Variants in TRIM33 observed in about 807,000 individuals in gnomAD.
TRIM33 encodes E3 ubiquitin-protein ligase TRIM33.
In TRIM33, 20 loss-of-function variants were observed where a neutral mutation model predicts 125.4. That is an observed-to-expected ratio of 0.16 (90% CI 0.11 to 0.23). The LOEUF is 0.23. Ranked by LOEUF, TRIM33 falls within the 10% of genes least tolerant of loss-of-function variation. The pLI is 1.00. For missense variants in TRIM33, 920 were observed against 1,411.4 expected, an observed-to-expected ratio of 0.65 and a Z score of 5.58; for synonymous variants, 564 against 513.9, an observed-to-expected ratio of 1.10 and a Z score of -1.32.
At chr1:114,501,306 A>G (rs1345062039) in intron 1 of TRIM33, among the ~76,000 whole-genome samples, 1 of 152,190 alleles carries the variant, frequency 6.6e-6, no homozygotes, top group African/African-American at 2.4e-5. Context: ...AGTCATCTGA[A>G]AGCTTGATTA....
chr1:114,470,082 A>G (rs1484551418), intron 1 of TRIM33, among the ~76,000 whole-genome samples: 1 of 152,198 alleles, frequency 6.6e-6, no homozygotes, highest in African/African-American at 2.4e-5. Context: ...AAGAACACTA[A>G]TATCTTATAA....
chr1:114,397,580 GTTTT>G lies in TRIM33; in HGVS notation c.*64_*67del. Reference sequence around the variant, plus strand: ...CCAGCAACACTTAAAAGTTTTCTGGGTTTTTTGTGTTTTTTTTTTTTTTTTCGTT... The same window carrying G: ...CCAGCAACACTTAAAAGTTTTCTGGGTTGTGTTTTTTTTTTTTTTTTCGTT... On this transcript the variant is annotated 3_prime_UTR_variant, in exon 20 of 20. Coordinates refer to ENST00000358465, the MANE Select transcript of TRIM33 (RefSeq NM_015906.4). The G allele has an allele frequency of 9.3e-7, 1 of 1,075,176 alleles. No individual in the cohort carries two copies. The highest frequency in any genetic ancestry group is 1.2e-6 in the Non-Finnish European group (1 of 802,070). 66.6% of individuals were successfully genotyped at this position (1,075,176 alleles called of 1,614,324 possible).
rs771186332 is a variant in TRIM33, at chr1:114,405,666, C to G, written c.2512G>C (p.Val838Leu). The change falls in exon 15 of 20, where the codon GTG (valine) becomes CTG (leucine). Residue 838 changes from valine to leucine, a missense_variant. Val to Leu is a conservative substitution (Grantham distance 32, BLOSUM62 1). This residue lies in a region of TRIM33 where 407 missense variants were observed against 589.7 expected (regional missense o/e 0.69). Transcript: ENST00000358465. ...TTCATATCTGCAGGTTCAATTTTCA[C>G]ATGGTTTTCCAGGCTTGCCAATGCA... Reference protein sequence around the residue: ...LDALASLENHVKIEPADMNES... With the variant: ...LDALASLENHLKIEPADMNES... 1 of 1,614,180 alleles carries G rather than the reference C, an allele frequency of 6.2e-7. No individual in the cohort carries two copies. The highest frequency in any genetic ancestry group is 1.1e-5 in the South Asian group (1 of 91,080).
intron 4 of TRIM33, among the ~76,000 whole-genome samples, chr1:114,440,672 A>G (rs1256254166): frequency 6.6e-6 from 1 of 152,202 alleles, no homozygotes; most frequent in African/African-American, 2.4e-5. Context: ...GATGGGTTTT[A>G]ATGGCAGTTT....
chr1:114,439,380 G>A (rs1366641218), intron 4 of TRIM33, among the ~76,000 whole-genome samples: 1 of 149,828 alleles, frequency 6.7e-6, no homozygotes, highest in African/African-American at 2.5e-5. Context: ...GCTGAGGCAG[G>A]AGAACTTGAA....
At chr1:114,505,659 CA>C (rs1414815511) in intron 1 of TRIM33, among the ~76,000 whole-genome samples, 1 of 152,230 alleles carries the variant, frequency 6.6e-6, no homozygotes, top group Non-Finnish European at 1.5e-5. Flanking sequence ...CCTCCGCCTC[CA>C]AGACTCAAGT....
chr1:114,462,681 T>C (rs1332842310), intron 4 of TRIM33, among the ~76,000 whole-genome samples: 1 of 152,182 alleles, frequency 6.6e-6, no homozygotes, highest in Admixed American at 6.5e-5. Context: ...CTCTGCTTAG[T>C]TGTTCATAAA....
At chr1:114,489,834 T>C (rs576528721) in intron 1 of TRIM33, among the ~76,000 whole-genome samples, 2 of 151,870 alleles carry the variant, frequency 1.3e-5, no homozygotes, top group African/African-American at 4.8e-5. Context: ...GTGGGTAAAA[T>C]GGTTAAATTT....
At chr1:114,462,889 A>G (rs1650078410) in intron 4 of TRIM33, among the ~76,000 whole-genome samples, 1 of 152,228 alleles carries the variant, frequency 6.6e-6, no homozygotes. Context: ...ACAAAATGAT[A>G]CATTTTAACA....
chr1:114,413,628 TAAAAAAAAAAA>T (rs34538412), intron 11 of TRIM33, among the ~76,000 whole-genome samples: 4 of 50,860 alleles, frequency 7.9e-5, no homozygotes, highest in East Asian at 5.3e-4. Context: ...AGCAAAACTG[TAAAAAAAAAAA>T]AAAAAAAAAA....
At chr1:114,480,451 G>A (rs1276538575) in intron 1 of TRIM33, among the ~76,000 whole-genome samples, 2 of 130,502 alleles carry the variant, frequency 1.5e-5, no homozygotes, top group African/African-American at 2.9e-5. Context: ...CCCCCTCTGC[G>A]AGAAACACCC....
At chr1:114,472,685 G>A (rs555832685) in intron 1 of TRIM33, among the ~76,000 whole-genome samples, 1 of 152,128 alleles carries the variant, frequency 6.6e-6, no homozygotes, top group East Asian at 1.9e-4. Flanking sequence ...GCAGTGATTG[G>A]GCCACTGGGG....
intron 1 of TRIM33, among the ~76,000 whole-genome samples, chr1:114,478,975 G>A (rs1651136128): frequency 6.6e-6 from 1 of 152,192 alleles, no homozygotes; most frequent in African/African-American, 2.4e-5. Context: ...TGAAACCCAG[G>A]AGGCAGAGGT....
At chr1:114,480,058 GAT>G (rs1001627409) in intron 1 of TRIM33, among the ~76,000 whole-genome samples, 5 of 152,240 alleles carry the variant, frequency 3.3e-5, no homozygotes, top group African/African-American at 1.2e-4. Context: ...TGTGGGGAAA[GAT>G]AGAGAAATCA....
In TRIM33 at chr1:114,418,299, GTAGGGAT is replaced by G. The variant is rs568042677; in HGVS notation, c.2061+3130_2061+3136del. Among the ~76,000 whole-genome samples, 49 of 152,328 alleles carry G rather than the reference GTAGGGAT, an allele frequency of 3.2e-4. No homozygotes were observed. In the East Asian group the frequency reaches 3.5e-3, roughly 11 times the overall value. On this transcript the variant is annotated intron_variant, in intron 11 of 19. Transcript: ENST00000358465. ...TCCTAACAGGTCCTTCCCTCGACCA[GTAGGGAT>G]TACAATTCGAGGTGAGATTTGGGTG...
chr1:114,497,445 T>C lies in TRIM33; in HGVS notation c.526+13106A>G, dbSNP rs543463576. On this transcript the variant is annotated intron_variant, in intron 1 of 19. Transcript: ENST00000358465. The stretch of plus-strand genomic sequence containing the variant: ...CCAAGTAGCTGAGATTACAGGCACC[T>C]GTCACCACACCCAGCGAATTTTTTT... Among the ~76,000 whole-genome samples, 4 of 152,238 alleles carry C rather than the reference T, an allele frequency of 2.6e-5. No individual in the cohort carries two copies. The South Asian group carries it at 8.3e-4, about 32-fold the overall frequency.
intron 1 of TRIM33, among the ~76,000 whole-genome samples, chr1:114,499,211 C>T (rs1489702791): frequency 6.6e-6 from 1 of 152,076 alleles, no homozygotes; most frequent in Admixed American, 6.6e-5. Context: ...TTCAAAGGCT[C>T]AGAAATTATA....
At chr1:114,403,631 G>A (rs1245919930) in intron 15 of TRIM33, among the ~76,000 whole-genome samples, 1 of 151,994 alleles carries the variant, frequency 6.6e-6, no homozygotes, top group African/African-American at 2.4e-5. Context: ...TCTGCCTCCC[G>A]GGTTCAAGCA....
chr1:114,489,781 C>T (rs373333434), intron 1 of TRIM33, among the ~76,000 whole-genome samples: 5 of 151,826 alleles, frequency 3.3e-5, no homozygotes, highest in East Asian at 1.9e-4. Context: ...ACATGTGCTG[C>T]CAACACTGTG....
Sources: gnomAD v4.1 joint callset for allele counts (sites outside exome capture counted in the v4.1 genomes callset) on GRCh38, gnomAD v4.1.1 for gene constraint, gnomAD v4.1.1 regional missense constraint, MANE v1.5 for transcripts, NCBI Gene and HGNC (gene_info 2026-07-23, HGNC 2026-07-21) for gene names.